The following MEA1 variants were observed in gnomAD, a reference collection of about 807,000 sequenced individuals.
The protein encoded by MEA1 is male-enhanced antigen 1, also known as Male-enhanced antigen (H-Y structural gene).
MEA1 carries 22 observed loss-of-function variants against 21.4 expected under a neutral mutation model. The ratio of observed to expected loss-of-function variants is 1.03; its 90% CI spans 0.73 to 1.47. The LOEUF is 1.47. Ranked by LOEUF, MEA1 falls within the 40% of genes most tolerant of loss-of-function variation. The pLI is 0.00. For missense variants in MEA1, 233 were observed against 230.5 expected (o/e 1.01, Z -0.07); for synonymous variants, 91 against 85.5 (o/e 1.06, Z -0.35).
In MEA1 at chr6:43,013,434, G is replaced by A. The variant is rs546662927; in HGVS notation, c.29-45C>T. Reference sequence around the variant, plus strand: ...GTAGGACAGGGATCGGATGAAACCAGGCCCATCTTCATCCTCTCATCATCT... The same window carrying A: ...GTAGGACAGGGATCGGATGAAACCAAGCCCATCTTCATCCTCTCATCATCT... On this transcript the variant is annotated intron_variant, in intron 1 of 3. Coordinates refer to ENST00000244711, the MANE Select transcript of MEA1 (RefSeq NM_014623.4). The A allele has an allele frequency of 2.8e-5, 45 of 1,590,470 alleles. No individual in the cohort carries two copies. In the East Asian group the frequency reaches 9.6e-4, roughly 34 times the overall value.
upstream of MEA1, chr6:43,016,718 A>AGATCC (rs1216806721): frequency 6.1e-6 from 1 of 163,486 alleles, no homozygotes; most frequent in Non-Finnish European, 1.3e-5. Context: ...GAGTATTTTG[A>AGATCC]GATCCCTTTC....
Sources: gnomAD v4.1 joint callset for allele counts on GRCh38, gnomAD v4.1.1 for gene constraint, MANE v1.5 for transcripts, NCBI Gene and HGNC (gene_info 2026-07-23, HGNC 2026-07-21) for gene names.